RHCE: variants seen among roughly 807,000 people sequenced by gnomAD.
The protein encoded by RHCE is Rh blood group CcEe antigens.
Under a neutral mutation model 43.8 loss-of-function variants are expected in RHCE, and 22 were observed. The ratio of observed to expected loss-of-function variants is 0.50; its 90% CI spans 0.36 to 0.72. RHCE has a LOEUF of 0.72. RHCE is among the 30% of genes least tolerant of loss of function. The probability of loss-of-function intolerance (pLI) is 0.00; values close to 1 mark genes in which losing one functional copy is unlikely to be tolerated. For synonymous variants in RHCE, 156 were observed against 210.7 expected (o/e 0.74, Z 2.25); for missense variants, 385 against 525.4 (o/e 0.73, Z 2.61).
intron 1 of RHCE, among the ~76,000 whole-genome samples, chr1:25,410,570 C>T (rs1647041865): frequency 6.6e-6 from 1 of 151,830 alleles, no homozygotes; most frequent in Admixed American, 6.6e-5. Flanking sequence ...TCAGTGGGAA[C>T]CACAGGCGCG....
chr1:25,386,049 G>A (rs1250775149), intron 6 of RHCE, among the ~76,000 whole-genome samples: 1 of 152,156 alleles, frequency 6.6e-6, no homozygotes, highest in Non-Finnish European at 1.5e-5. Flanking sequence ...TGGATGTGGG[G>A]TGGGGTCTAA....
Position 25,389,105 on chromosome 1 carries a change from C to T in RHCE, c.810G>A (p.Val270=), listed in dbSNP as rs772050638. The change falls in exon 6 of 10, where the codon GTG becomes GTA. Residue 270 remains valine, a synonymous_variant. Coordinates refer to ENST00000294413, the MANE Select transcript of RHCE (RefSeq NM_020485.8). The part of the protein sequence containing the change: ...HPQRKISMTY[V]HSAVLAGGVA... ...CGCCTCCTGCCAACACCGCACTGTG[C>T]ACATAAGTCTGCAAAGAAATAGCGT... 22 of 1,613,886 alleles carry T rather than the reference C, an allele frequency of 1.4e-5. No homozygotes were observed. Among genetic ancestry groups the T allele is most frequent in the Non-Finnish European group, 1.8e-5 (21 of 1,179,880 alleles).
At chr1:25,374,264 T>A (rs1235534657) in intron 8 of RHCE, among the ~76,000 whole-genome samples, 1 of 151,934 alleles carries the variant, frequency 6.6e-6, no homozygotes, top group Non-Finnish European at 1.5e-5. Flanking sequence ...AATTTTTTAA[T>A]TTTTAGTAGA....
intron 6 of RHCE, 100 bp downstream of exon 6, chr1:25,388,876 C>A: frequency 8.8e-6 from 14 of 1,583,154 alleles, no homozygotes; most frequent in Non-Finnish European, 9.5e-6. Context: ...TGCACCAACA[C>A]CTGCCTAATG....
intron 9 of RHCE, among the ~76,000 whole-genome samples, chr1:25,368,106 T>TG (rs1451575149): frequency 6.6e-6 from 1 of 150,470 alleles, no homozygotes; most frequent in Non-Finnish European, 1.5e-5. Flanking sequence ...AAGTGATGGG[T>TG]GTGCTCCTTG....
intron 6 of RHCE, among the ~76,000 whole-genome samples, chr1:25,386,486 G>A (rs1414021582): frequency 4.6e-5 from 7 of 152,284 alleles, no homozygotes; most frequent in Admixed American, 3.9e-4. Context: ...TGCAAATTCA[G>A]TCAGGCTGGT....
intron 7 of RHCE, among the ~76,000 whole-genome samples, chr1:25,384,930 C>T (rs1001959145): frequency 3.3e-5 from 5 of 152,204 alleles, no homozygotes; most frequent in Non-Finnish European, 5.9e-5. Context: ...CAGTCAATAA[C>T]AGTAGTAAAT....
At chr1:25,384,064 C>T (rs1394696973) in intron 7 of RHCE, among the ~76,000 whole-genome samples, 2 of 151,018 alleles carry the variant, frequency 1.3e-5, no homozygotes, top group South Asian at 4.2e-4. Flanking sequence ...ATAGGTCCCA[C>T]CCCCAGATTT....
At chr1:25,417,158 A>C (rs202023243) in intron 1 of RHCE, among the ~76,000 whole-genome samples, 2 of 147,338 alleles carry the variant, frequency 1.4e-5, no homozygotes, top group East Asian at 2.0e-4. Flanking sequence ...CAAAAAAAAA[A>C]CCCACCATGC....
At chr1:25,428,954 T>G (rs1460402230) in exon 2 of RHCE, 1 of 152,292 alleles carries the variant, frequency 6.6e-6, no homozygotes, top group African/African-American at 2.4e-5. Context: ...TTTGCTTGCC[T>G]GGCGTAGCCT....
chr1:25,422,410 C>T (rs577245009), upstream of RHCE, among the ~76,000 whole-genome samples: 21 of 152,234 alleles, frequency 1.4e-4, no homozygotes, highest in African/African-American at 4.3e-4. Flanking sequence ...TGTTAGCACA[C>T]GCATAGAAAA....
intron 3 of RHCE, among the ~76,000 whole-genome samples, chr1:25,399,636 T>C (rs1646667034): frequency 6.6e-6 from 1 of 152,198 alleles, no homozygotes; most frequent in Non-Finnish European, 1.5e-5. Context: ...CAGTGTTTAA[T>C]TTTCAAAAAC....
At chr1:25,394,209 G>A (rs531503524) in intron 3 of RHCE, among the ~76,000 whole-genome samples, 21 of 152,026 alleles carry the variant, frequency 1.4e-4, no homozygotes, top group Admixed American at 2.0e-4. Flanking sequence ...GCCTGGTCTC[G>A]AACTCCTGAC....
At position 25,370,193 on chromosome 1, in the gene RHCE, G is replaced by A. The variant is rs181068406; in HGVS notation, c.1227+274C>T. ...GGCTACGCTGAGGACTGCAGATAGC[G>A]GGAGGGGAAGTGTGGCCAGTGAAAG... On this transcript the variant is annotated intron_variant, in intron 9 of 9. Coordinates refer to ENST00000294413, the MANE Select transcript of RHCE (RefSeq NM_020485.8). 3.6e-4 allele frequency among the ~76,000 whole-genome samples: 54 copies of A among 151,708 alleles called. 1 individual carries two copies. The highest frequency in any genetic ancestry group is 3.4e-3 in the Middle Eastern group (1 of 294).
chr1:25,400,212 G>T lies in RHCE; in HGVS notation c.486+2384C>A, dbSNP rs182725457. On this transcript the variant is annotated intron_variant, in intron 3 of 9. Coordinates refer to ENST00000294413, the MANE Select transcript of RHCE (RefSeq NM_020485.8). ...TTAGAGCAAAGTCCTTGGCAGGGCT[G>T]CCCCTGCATGCTGTCTCCACTTTCT... is the stretch of plus-strand genomic sequence containing the variant. 2.0e-3 allele frequency among the ~76,000 whole-genome samples: 311 copies of T among 152,304 alleles called. 3 individuals are homozygous for T. Among genetic ancestry groups the T allele is most frequent in the Non-Finnish European group, 1.1e-3 (74 of 68,026 alleles).
intron 3 of RHCE, among the ~76,000 whole-genome samples, chr1:25,397,700 C>A (rs1646597395): frequency 6.6e-6 from 1 of 151,542 alleles, no homozygotes; most frequent in African/African-American, 2.4e-5. Context: ...CACAAATGAT[C>A]TTAGTCCACC....
chr1:25,383,986 A>G (rs1479705929), intron 7 of RHCE, among the ~76,000 whole-genome samples: 5 of 152,004 alleles, frequency 3.3e-5, no homozygotes, highest in Non-Finnish European at 7.4e-5. Context: ...TTTTTTGGCT[A>G]TAGGTCAGTG....
chr1:25,397,737 C>CCGCT (rs1165523065), intron 3 of RHCE, among the ~76,000 whole-genome samples: 1 of 150,670 alleles, frequency 6.6e-6, no homozygotes, highest in Non-Finnish European at 1.5e-5. Flanking sequence ...GGCTCCTTGA[C>CCGCT]CGCTCGTCTC....
Position 25,411,283 on chromosome 1 carries a change from A to G in RHCE, c.149-2414T>C, listed in dbSNP as rs1647067703. 8 of 1,548,010 alleles carry G rather than the reference A, an allele frequency of 5.2e-6. No homozygotes were observed. The South Asian group carries it at 6.0e-5, about 12-fold the overall frequency. On this transcript the variant is annotated intron_variant, in intron 1 of 9. Coordinates refer to ENST00000294413, the MANE Select transcript of RHCE (RefSeq NM_020485.8). ...AGTGCCTAGCACATGGAGAACACTC[A>G]ATAAATAGTGGCTGTTCATCAACAT...
Sources: allele counts gnomAD v4.1 joint callset (sites outside exome capture counted in the v4.1 genomes callset), GRCh38; gene constraint gnomAD v4.1.1; transcripts MANE v1.5; gene names NCBI Gene and HGNC (gene_info 2026-07-23, HGNC 2026-07-21).